Variants in LRRC37A2 observed in about 807,000 individuals in gnomAD.
The protein encoded by LRRC37A2 is leucine-rich repeat-containing protein 37A2.
A neutral mutation model predicts 68.8 loss-of-function variants in LRRC37A2; 9 were observed. The ratio of observed to expected loss-of-function variants is 0.13; its 90% CI spans 0.08 to 0.23. The LOEUF (loss-of-function observed/expected upper bound fraction) is 0.23, where lower values mean the gene tolerates loss of function less well. Ranked by LOEUF, LRRC37A2 falls within the 10% of genes least tolerant of loss-of-function variation. The pLI, the probability that LRRC37A2 is intolerant of heterozygous loss-of-function variation, is 1.00. For missense variants in LRRC37A2, 168 were observed against 950.4 expected (o/e 0.18, Z 10.82); for synonymous variants, 63 against 367.6 (o/e 0.17, Z 9.48).
At chr17:46,779,539 G>A in the LRRC37A2 span, among the ~76,000 whole-genome samples, 48 of 152,326 alleles carry the variant, frequency 3.2e-4, no homozygotes, top group African/African-American at 1.1e-3. Context: ...GCAGCCAGGC[G>A]GATGGGCTGC....
chr17:46,974,454 G>A, the LRRC37A2 span, among the ~76,000 whole-genome samples: 2 of 152,164 alleles, frequency 1.3e-5, no homozygotes, highest in Admixed American at 6.5e-5. Flanking sequence ...GGTCATCTCC[G>A]CCGGGCGCGG....
chr17:46,904,437 G>C, the LRRC37A2 span, among the ~76,000 whole-genome samples: 1 of 142,916 alleles, frequency 7.0e-6, no homozygotes, highest in Non-Finnish European at 1.5e-5. Context: ...TGGCTGGGTG[G>C]CTGGCTGACT....
chr17:46,803,535 GA>G, the LRRC37A2 span, among the ~76,000 whole-genome samples: 124 of 148,906 alleles, frequency 8.3e-4, no homozygotes, highest in African/African-American at 2.7e-3. Context: ...TCTCAAGAAA[GA>G]AAAAAAAAAG....
the LRRC37A2 span, among the ~76,000 whole-genome samples, chr17:46,914,403 C>G: frequency 1.3e-5 from 2 of 151,948 alleles, no homozygotes; most frequent in Non-Finnish European, 2.9e-5. Context: ...AATCCCGGCA[C>G]TTTGGGAGGC....
chr17:46,805,607 A>G, the LRRC37A2 span, among the ~76,000 whole-genome samples: 31 of 152,298 alleles, frequency 2.0e-4, no homozygotes, highest in East Asian at 5.6e-3. Context: ...TAAAAAAATT[A>G]GCCACATATG....
chr17:46,871,085 A>G, the LRRC37A2 span, among the ~76,000 whole-genome samples: 12 of 151,270 alleles, frequency 7.9e-5, no homozygotes, highest in African/African-American at 2.9e-4. Context: ...TAATTTTTCT[A>G]TTTTTAGTAG....
the LRRC37A2 span, among the ~76,000 whole-genome samples, chr17:47,047,758 A>G: frequency 6.6e-6 from 1 of 151,840 alleles, no homozygotes; most frequent in Non-Finnish European, 1.5e-5. Flanking sequence ...TGGTTCCATA[A>G]CCAGAAATTG....
At chr17:46,994,874 C>T in the LRRC37A2 span, among the ~76,000 whole-genome samples, 1 of 152,096 alleles carries the variant, frequency 6.6e-6, no homozygotes, top group Non-Finnish European at 1.5e-5. Flanking sequence ...GTAATCCCAG[C>T]ACTTTGGGAG....
chr17:46,598,991 G>A, the LRRC37A2 span, among the ~76,000 whole-genome samples: 1 of 114,350 alleles, frequency 8.7e-6, no homozygotes, highest in African/African-American at 3.6e-5. Context: ...ATGAATTTTA[G>A]GAAACAAAAC....
chr17:46,901,070 T>C, the LRRC37A2 span, among the ~76,000 whole-genome samples: 1 of 152,214 alleles, frequency 6.6e-6, no homozygotes, highest in East Asian at 1.9e-4. Flanking sequence ...GAAAAACTGG[T>C]TTCTGAGCTA....
the LRRC37A2 span, among the ~76,000 whole-genome samples, chr17:46,743,189 C>A: frequency 6.6e-6 from 1 of 152,052 alleles, no homozygotes; most frequent in East Asian, 1.9e-4. Context: ...TAACCCAGAG[C>A]CAACCTTGGC....
chr17:46,814,509 C>A, the LRRC37A2 span, among the ~76,000 whole-genome samples: 1 of 152,170 alleles, frequency 6.6e-6, no homozygotes, highest in South Asian at 2.1e-4. Context: ...ATATCCCCCC[C>A]AGGGAAAGGT....
At chr17:46,454,187 A>AT in the LRRC37A2 span, among the ~76,000 whole-genome samples, 48 of 103,854 alleles carry the variant, frequency 4.6e-4, 8 homozygotes, top group Admixed American at 1.1e-3. Flanking sequence ...TTGCAAATGT[A>AT]TTTTTTTTTT....
At chr17:46,916,152 G>T in the LRRC37A2 span, among the ~76,000 whole-genome samples, 2 of 152,214 alleles carry the variant, frequency 1.3e-5, no homozygotes, top group African/African-American at 4.8e-5. Flanking sequence ...CAATCCTCCA[G>T]AAGTGGCCAC....
chr17:46,967,810 G>A, the LRRC37A2 span, among the ~76,000 whole-genome samples: 1 of 152,132 alleles, frequency 6.6e-6, no homozygotes, highest in African/African-American at 2.4e-5. Context: ...TGGTGGCAGT[G>A]AAGGAAAGAT....
At chr17:46,950,788 T>C in the LRRC37A2 span, among the ~76,000 whole-genome samples, 9 of 152,054 alleles carry the variant, frequency 5.9e-5, no homozygotes, top group Admixed American at 5.9e-4. Flanking sequence ...GCTGATGAGA[T>C]CAAAACTGTC....
chr17:46,919,976 AT>A, the LRRC37A2 span, among the ~76,000 whole-genome samples: 1 of 152,028 alleles, frequency 6.6e-6, no homozygotes, highest in Non-Finnish European at 1.5e-5. Flanking sequence ...AGAAAAAAAA[AT>A]TCCTATGATC....
chr17:46,875,687 C>T, the LRRC37A2 span, among the ~76,000 whole-genome samples: 1 of 152,144 alleles, frequency 6.6e-6, no homozygotes, highest in Non-Finnish European at 1.5e-5. Flanking sequence ...ATTCCAAGGA[C>T]CAGGCCTTCC....
the LRRC37A2 span, among the ~76,000 whole-genome samples, chr17:46,998,371 G>C: frequency 6.6e-6 from 1 of 152,200 alleles, no homozygotes; most frequent in African/African-American, 2.4e-5. Context: ...CATTTATGAA[G>C]TGAAGGAGGG....
Sources: allele counts gnomAD v4.1 joint callset (sites outside exome capture counted in the v4.1 genomes callset), GRCh38; gene constraint gnomAD v4.1.1; transcripts MANE v1.5; gene names NCBI Gene and HGNC (gene_info 2026-07-23, HGNC 2026-07-21).